MED12L: variants seen among roughly 807,000 people sequenced by gnomAD.
The protein encoded by MED12L is mediator of RNA polymerase II transcription subunit 12-like protein.
MED12L carries 60 observed loss-of-function variants against 281.3 expected under a neutral mutation model. The observed-to-expected ratio is 0.21, with a 90% CI of 0.17 to 0.26. MED12L has a LOEUF of 0.26. Among genes scored for constraint, MED12L ranks in the 10% least tolerant of loss-of-function variants. The pLI is 1.00. For missense variants in MED12L, 2,146 were observed against 2,680.9 expected (o/e 0.80, Z 4.41); for synonymous variants, 974 against 987.2 (o/e 0.99, Z 0.25).
In MED12L at chr3:151,384,529, T is replaced by G. The variant is rs574399698; in HGVS notation, c.4926+311T>G. Among the ~76,000 whole-genome samples, 14 of 152,346 alleles carry G rather than the reference T, an allele frequency of 9.2e-5. No homozygotes were observed. The South Asian group carries it at 2.9e-3, about 32-fold the overall frequency. ...ATTTAGGATAACTCTATGCTTGGAC[T>G]GGCACGTGTAATTGAAAAAATAGCC... On this transcript the variant is annotated intron_variant, in intron 35 of 44. Transcript: ENST00000687756.
intron 16 of MED12L, among the ~76,000 whole-genome samples, chr3:151,250,614 T>C (rs140727266): frequency 6.6e-6 from 1 of 152,332 alleles, no homozygotes; most frequent in African/African-American, 2.4e-5. Context: ...CATTTCTTTT[T>C]AAGACTGAAT....
intron 16 of MED12L, among the ~76,000 whole-genome samples, chr3:151,246,502 G>C (rs887367916): frequency 8.6e-5 from 13 of 151,962 alleles, no homozygotes; most frequent in African/African-American, 1.9e-4. Flanking sequence ...ACAAACCTGA[G>C]AAAAACAAGC....
At chr3:151,347,705 G>A (rs1752702301) in intron 16 of MED12L, among the ~76,000 whole-genome samples, 5 of 152,140 alleles carry the variant, frequency 3.3e-5, no homozygotes, top group Admixed American at 3.3e-4. Context: ...CAGAGGAGGA[G>A]GGGAAGTCTA....
chr3:151,245,514 A>G (rs1577100155), intron 16 of MED12L, among the ~76,000 whole-genome samples: 4 of 145,730 alleles, frequency 2.7e-5, no homozygotes, highest in African/African-American at 5.1e-5. Context: ...GCCAAAGACA[A>G]AAACCACATG....
intron 11 of MED12L, among the ~76,000 whole-genome samples, chr3:151,184,583 T>A (rs1393951349): frequency 2.6e-5 from 4 of 152,184 alleles, no homozygotes; most frequent in African/African-American, 9.7e-5. Context: ...CACCACTCGC[T>A]GCACCCCTAT....
chr3:151,317,584 A>G (rs1172709645), intron 16 of MED12L, among the ~76,000 whole-genome samples: 1 of 150,634 alleles, frequency 6.6e-6, no homozygotes, highest in Non-Finnish European at 1.5e-5. Flanking sequence ...CTGAGTAGGT[A>G]GGATTACAGG....
chr3:151,346,159 T>C (rs1233909466), intron 16 of MED12L, among the ~76,000 whole-genome samples: 3 of 152,198 alleles, frequency 2.0e-5, no homozygotes, highest in African/African-American at 7.2e-5. Flanking sequence ...TCAAAATGTC[T>C]TTTTATTTTC....
At chr3:151,270,732 A>G (rs536963302) in intron 16 of MED12L, among the ~76,000 whole-genome samples, 5 of 152,292 alleles carry the variant, frequency 3.3e-5, no homozygotes, top group South Asian at 2.1e-4. Context: ...CTCCTTTGGC[A>G]TATTTAATTG....
intron 2 of MED12L, among the ~76,000 whole-genome samples, chr3:151,098,216 G>T (rs1170838076): frequency 1.3e-5 from 2 of 152,136 alleles, no homozygotes; most frequent in East Asian, 1.9e-4. Flanking sequence ...GGTGATAAGG[G>T]AATGAGATTT....
chr3:151,394,596 A>C, intron 38 of MED12L, 60 bp from the exon 39 acceptor site: 1 of 1,596,102 alleles, frequency 6.3e-7, no homozygotes, highest in South Asian at 1.1e-5. Context: ...GTTTTGATAC[A>C]TAAAAAGACC....
chr3:151,091,053 AAACAAC>A (rs934022460), intron 2 of MED12L, among the ~76,000 whole-genome samples: 26 of 152,154 alleles, frequency 1.7e-4, no homozygotes, highest in African/African-American at 5.8e-4. Flanking sequence ...AAACAAAACA[AAACAAC>A]AACAACAAAA....
rs74613105 is a variant in MED12L at position 151,087,334 on chromosome 3, C to G, written c.99+309C>G. On this transcript the variant is annotated intron_variant, in intron 2 of 44. Coordinates refer to ENST00000687756, the MANE Select transcript of MED12L (RefSeq NM_001393769.1). ...TGCCGAAACCTTGCTCGCTCTCACCCGTTTCTGCCTGCTTTATTTTTCTTC... is the reference window on the plus strand; with the variant it reads ...TGCCGAAACCTTGCTCGCTCTCACCGGTTTCTGCCTGCTTTATTTTTCTTC... 9.6e-4 allele frequency among the ~76,000 whole-genome samples: 146 copies of G among 152,376 alleles called. 3 individuals are homozygous for G. The East Asian group carries it at 0.017, about 18-fold the overall frequency.
chr3:151,116,198 C>T (rs1298184913), intron 2 of MED12L, 140 bp from the exon 3 acceptor site: 8 of 564,802 alleles, frequency 1.4e-5, no homozygotes, highest in Non-Finnish European at 2.5e-5. Context: ...ACTTCAATTT[C>T]TGCCTTCTCT....
At chr3:151,092,506 A>G (rs1038629617) in intron 2 of MED12L, among the ~76,000 whole-genome samples, 8 of 152,242 alleles carry the variant, frequency 5.3e-5, no homozygotes, top group South Asian at 2.1e-4. Flanking sequence ...TTAATGAGCA[A>G]TTGTGAGTAT....
At chr3:151,427,540 T>C (rs1366192559) in intron 43 of MED12L, among the ~76,000 whole-genome samples, 4 of 152,202 alleles carry the variant, frequency 2.6e-5, no homozygotes, top group Non-Finnish European at 5.9e-5. Flanking sequence ...GAAGCAGGCT[T>C]TAAATGAACA....
rs1046276550 is a variant in MED12L at position 151,367,559 on chromosome 3, G to T, written c.3328-87G>T. 22 of 1,214,330 alleles carry T rather than the reference G, an allele frequency of 1.8e-5. No homozygotes were observed. In the African/African-American group the frequency reaches 2.9e-4, roughly 16 times the overall value. The allele number at this position is 1,214,330 out of a possible 1,614,324, so 75.2% of individuals were successfully genotyped here. On this transcript the variant is annotated intron_variant, in intron 23 of 44. Transcript: ENST00000687756. ...CATGTTGGGATTTGAGATCTTATTG[G>T]TATTGCCTGCATTCTCTTAGTTATT... is the stretch of plus-strand genomic sequence containing the variant.
chr3:151,125,781 C>T (rs574868178), intron 4 of MED12L, among the ~76,000 whole-genome samples: 13 of 152,112 alleles, frequency 8.5e-5, no homozygotes, highest in Non-Finnish European at 1.3e-4. Flanking sequence ...AGAGATGTGC[C>T]TTGTAAGCCT....
intron 16 of MED12L, among the ~76,000 whole-genome samples, chr3:151,282,296 T>G (rs1364713587): frequency 6.6e-6 from 1 of 152,222 alleles, no homozygotes; most frequent in Non-Finnish European, 1.5e-5. Context: ...TATGAACATT[T>G]TCAATGAATT....
In MED12L at chr3:151,389,972, G is replaced by T; in HGVS notation, c.5452-7G>T. On this transcript the variant is annotated splice_region_variant and splice_polypyrimidine_tract_variant and intron_variant, in intron 37 of 44. Transcript: ENST00000687756. ...TACGTAACTTTTTAAAAAACTTTAT[G>T]TTGAAGGAATATCCACAGAGCAACA... 3 of 1,613,502 alleles carry T rather than the reference G, an allele frequency of 1.9e-6. No individual in the cohort carries two copies. Among genetic ancestry groups the T allele is most frequent in the South Asian group, 2.2e-5 (2 of 91,006 alleles).
Sources: gnomAD v4.1 joint callset for allele counts (sites outside exome capture counted in the v4.1 genomes callset) on GRCh38, gnomAD v4.1.1 for gene constraint, MANE v1.5 for transcripts, NCBI Gene and HGNC (gene_info 2026-07-23, HGNC 2026-07-21) for gene names.